Variants in DENND5B observed in about 807,000 individuals in gnomAD.
DENND5B encodes DENN domain-containing protein 5B.
A neutral mutation model predicts 140.6 loss-of-function variants in DENND5B; 34 were observed. The ratio of observed to expected loss-of-function variants is 0.24; its 90% CI spans 0.18 to 0.32. The LOEUF (loss-of-function observed/expected upper bound fraction) is 0.32. Among genes scored for constraint, DENND5B ranks in the 10% least tolerant of loss-of-function variants. The probability of loss-of-function intolerance (pLI) is 1.00; values close to 1 mark genes in which losing one functional copy is unlikely to be tolerated. For missense variants in DENND5B, 1,142 were observed against 1,560.2 expected (o/e 0.73, Z 4.52); for synonymous variants, 551 against 562.1 (o/e 0.98, Z 0.28).
intron 13 of DENND5B, among the ~76,000 whole-genome samples, chr12:31,412,637 G>C (rs1942521667): frequency 6.6e-6 from 1 of 152,202 alleles, no homozygotes; most frequent in Non-Finnish European, 1.5e-5. Context: ...GTTCCTAACA[G>C]ACCACAGACC....
In DENND5B at chr12:31,420,445, A is replaced by ATT. The variant is rs3032941; in HGVS notation, c.2470+3150_2470+3151dup. 6.3e-4 allele frequency among the ~76,000 whole-genome samples: 91 copies of ATT among 145,268 alleles called. 2 individuals carry two copies. The highest frequency in any genetic ancestry group is 9.0e-4 in the South Asian group (4 of 4,428). ...GGTCACCATATCCAGCCTCCCAACA[A>ATT]TTTTTTTTTTTTTTTTGAGACAGCA... is the stretch of plus-strand genomic sequence containing the variant. On this transcript the variant is annotated intron_variant, in intron 11 of 20. Transcript: ENST00000389082.
At chr12:31,514,799 G>A (rs570224510) in intron 1 of DENND5B, among the ~76,000 whole-genome samples, 30 of 147,528 alleles carry the variant, frequency 2.0e-4, no homozygotes, top group Admixed American at 6.2e-4. Context: ...CTCCATCTGG[G>A]TGACAAAGTG....
chr12:31,468,321 T>C (rs1483109316), intron 3 of DENND5B, among the ~76,000 whole-genome samples: 1 of 152,062 alleles, frequency 6.6e-6, no homozygotes. Context: ...CTAAGACTTG[T>C]GGGATGTAGC....
intron 1 of DENND5B, among the ~76,000 whole-genome samples, chr12:31,534,376 C>T (rs2139110179): frequency 6.6e-6 from 1 of 152,100 alleles, no homozygotes; most frequent in South Asian, 2.1e-4. Context: ...GACAGGGTTT[C>T]ACCATGTTGG....
At chr12:31,506,759 C>T (rs2138873633) in intron 1 of DENND5B, among the ~76,000 whole-genome samples, 2 of 152,220 alleles carry the variant, frequency 1.3e-5, no homozygotes, top group Admixed American at 1.3e-4. Context: ...TCAGGATGAC[C>T]AATCAAATGA....
intron 1 of DENND5B, among the ~76,000 whole-genome samples, chr12:31,531,098 A>G (rs1397869483): frequency 1.3e-5 from 2 of 152,248 alleles, no homozygotes; most frequent in Admixed American, 6.5e-5. Context: ...ATTTAATATT[A>G]GGCATAATGT....
At chr12:31,527,203 A>AT (rs1948114933) in intron 1 of DENND5B, among the ~76,000 whole-genome samples, 1 of 152,222 alleles carries the variant, frequency 6.6e-6, no homozygotes, top group African/African-American at 2.4e-5. Context: ...GGACTCACTG[A>AT]CACAGGGCAT....
chr12:31,581,114 A>G (rs2061446397), intron 1 of DENND5B, among the ~76,000 whole-genome samples: 1 of 152,100 alleles, frequency 6.6e-6, no homozygotes. Context: ...CACTCTTGTT[A>G]TAAATAAACA....
rs769853175 is a variant in DENND5B, at chr12:31,443,043, A to ATT, written c.1862-120_1862-119dup. 4.3e-5 allele frequency: 30 copies of ATT among 699,894 alleles called. No homozygotes were observed. The Middle Eastern group carries it at 1.2e-3, about 28-fold the overall frequency. The allele number at this position is 699,894 out of a possible 1,614,324, so 43.4% of individuals were successfully genotyped here. A position where few individuals can be genotyped will look rare whatever the true frequency, so the allele number is the denominator to read the frequency against. ...ATCACTCTGACACTCTGAAACAGAT[A>ATT]TTGTGTGTGTGTGTGTGTGTGCACG... is the stretch of plus-strand genomic sequence containing the variant. On this transcript the variant is annotated intron_variant, in intron 6 of 20. Coordinates refer to ENST00000389082, the MANE Select transcript of DENND5B (RefSeq NM_144973.4).
At chr12:31,575,111 C>T (rs1393725774) in intron 1 of DENND5B, among the ~76,000 whole-genome samples, 1 of 152,176 alleles carries the variant, frequency 6.6e-6, no homozygotes, top group South Asian at 2.1e-4. Flanking sequence ...AATACATACA[C>T]TTGAGACAGG....
intron 1 of DENND5B, among the ~76,000 whole-genome samples, chr12:31,542,147 G>C (rs1268879701): frequency 6.6e-6 from 1 of 152,126 alleles, no homozygotes; most frequent in Non-Finnish European, 1.5e-5. Context: ...AATTAGCTGG[G>C]CGTGGTGGTG....
intron 1 of DENND5B, among the ~76,000 whole-genome samples, chr12:31,512,803 A>T (rs1399717930): frequency 6.6e-6 from 1 of 152,210 alleles, no homozygotes; most frequent in East Asian, 1.9e-4. Context: ...TTAGATTTAC[A>T]GAAAAATAGG....
chr12:31,452,174 A>G lies in DENND5B; in HGVS notation c.1395T>C (p.Gly465=). The G allele has an allele frequency of 1.2e-6, 2 of 1,613,864 alleles. No individual in the cohort carries two copies. Among genetic ancestry groups the G allele is most frequent in the Non-Finnish European group, 1.7e-6 (2 of 1,179,870 alleles). The change falls in exon 5 of 21, where the codon GGT becomes GGC. Residue 465 remains glycine (G), a synonymous_variant. Coordinates refer to ENST00000389082, the MANE Select transcript of DENND5B (RefSeq NM_144973.4). ...AGAGGTCCATTTTTTCCACAGCCAC[A>G]CCAGTACGCTTGGCCAGAGCCTGCA... is the stretch of plus-strand genomic sequence containing the variant. ...ARLQALAKRT[G]VAVEKMDLSA...
At chr12:31,459,385 G>A (rs993662715) in intron 4 of DENND5B, among the ~76,000 whole-genome samples, 1 of 152,122 alleles carries the variant, frequency 6.6e-6, no homozygotes, top group Non-Finnish European at 1.5e-5. Flanking sequence ...TACCTCTAGG[G>A]TTCAAGCGAT....
intron 2 of DENND5B, among the ~76,000 whole-genome samples, chr12:31,488,163 A>C (rs1485359104): frequency 6.7e-6 from 1 of 148,798 alleles, no homozygotes; most frequent in Admixed American, 6.8e-5. Flanking sequence ...TTTAGTAGAG[A>C]CGAGGTTTCA....
At chr12:31,539,018 G>A (rs1592006536) in intron 1 of DENND5B, among the ~76,000 whole-genome samples, 2 of 136,010 alleles carry the variant, frequency 1.5e-5, no homozygotes, top group Admixed American at 7.4e-5. Flanking sequence ...AAAAAGAGAA[G>A]ACACAACTAA....
chr12:31,510,452 A>G (rs888193929), intron 1 of DENND5B, among the ~76,000 whole-genome samples: 2 of 152,134 alleles, frequency 1.3e-5, no homozygotes, highest in African/African-American at 4.8e-5. Context: ...GGTAGCTAGG[A>G]CCACAGGCGC....
chr12:31,414,171 C>T (rs116668090), intron 12 of DENND5B, among the ~76,000 whole-genome samples: 169 of 152,236 alleles, frequency 1.1e-3, no homozygotes, highest in African/African-American at 3.9e-3. Context: ...TCAAATGATC[C>T]TCTTCCCTCA....
intron 2 of DENND5B, among the ~76,000 whole-genome samples, chr12:31,481,750 A>G (rs1437081760): frequency 6.6e-6 from 1 of 152,224 alleles, no homozygotes; most frequent in East Asian, 1.9e-4. Flanking sequence ...GCCATGTTAG[A>G]ACTGTGGGGA....
Sources: allele counts gnomAD v4.1 joint callset (sites outside exome capture counted in the v4.1 genomes callset), GRCh38; gene constraint gnomAD v4.1.1; transcripts MANE v1.5; gene names NCBI Gene and HGNC (gene_info 2026-07-23, HGNC 2026-07-21).